The following IMMP2L variants were observed in gnomAD, a reference collection of about 807,000 sequenced individuals.
IMMP2L encodes mitochondrial inner membrane protease subunit 2.
Under a neutral mutation model 19.3 loss-of-function variants are expected in IMMP2L, and 18 were observed. The ratio of observed to expected loss-of-function variants is 0.93; its 90% confidence interval spans 0.64 to 1.38. The LOEUF is 1.38. Ranked by LOEUF, IMMP2L falls within the 40% of genes most tolerant of loss-of-function variation. The pLI is 0.00. For synonymous variants in IMMP2L, 76 were observed against 73.0 expected (o/e 1.04, Z -0.21); for missense variants, 233 against 218.2 (o/e 1.07, Z -0.43).
At chr7:110,843,181 G>A (rs544800271) in intron 5 of IMMP2L, among the ~76,000 whole-genome samples, 1 of 152,232 alleles carries the variant, frequency 6.6e-6, no homozygotes, top group East Asian at 1.9e-4. Flanking sequence ...TTTATTCCAA[G>A]CCTTATAGTA....
chr7:111,444,767 A>G (rs2131828427), intron 3 of IMMP2L, among the ~76,000 whole-genome samples: 1 of 152,248 alleles, frequency 6.6e-6, no homozygotes, highest in South Asian at 2.1e-4. Flanking sequence ...GAAGTAAGAG[A>G]GCAAAAATGA....
chr7:111,179,785 C>T (rs961900253), intron 3 of IMMP2L, among the ~76,000 whole-genome samples: 13 of 152,064 alleles, frequency 8.5e-5, no homozygotes, highest in African/African-American at 3.1e-4. Flanking sequence ...GTGAAGCCAC[C>T]TTCATCAATT....
chr7:111,171,385 A>G (rs1806434115), intron 3 of IMMP2L, among the ~76,000 whole-genome samples: 1 of 151,722 alleles, frequency 6.6e-6, no homozygotes, highest in Non-Finnish European at 1.5e-5. Context: ...CACAAGGGAA[A>G]TAATATTTGA....
chr7:111,178,158 A>G (rs1046746183), intron 3 of IMMP2L, among the ~76,000 whole-genome samples: 1 of 152,054 alleles, frequency 6.6e-6, no homozygotes, highest in African/African-American at 2.4e-5. Context: ...CCACAATAAA[A>G]TTAATACAGC....
intron 2 of IMMP2L, among the ~76,000 whole-genome samples, chr7:111,500,090 C>T (rs541686965): frequency 6.6e-5 from 10 of 152,058 alleles, no homozygotes; most frequent in African/African-American, 1.4e-4. Context: ...CCTGGAAAAT[C>T]GGGTCACTCC....
At chr7:110,779,440 A>T (rs985762758) in intron 5 of IMMP2L, among the ~76,000 whole-genome samples, 2 of 151,944 alleles carry the variant, frequency 1.3e-5, no homozygotes, top group African/African-American at 4.8e-5. Context: ...AATTTGAACA[A>T]TGGAGGTTTA....
chr7:110,768,773 G>T (rs1359868397), intron 5 of IMMP2L, among the ~76,000 whole-genome samples: 1 of 152,012 alleles, frequency 6.6e-6, no homozygotes, highest in Non-Finnish European at 1.5e-5. Context: ...CCCTTATAGC[G>T]ACATGTTGTG....
intron 5 of IMMP2L, among the ~76,000 whole-genome samples, chr7:110,754,180 T>C (rs1208022753): frequency 2.0e-5 from 3 of 152,052 alleles, no homozygotes; most frequent in Non-Finnish European, 4.4e-5. Context: ...ATTCAAGTCA[T>C]AGTGCCACAG....
intron 4 of IMMP2L, among the ~76,000 whole-genome samples, chr7:110,946,269 C>A (rs1383464493): frequency 6.6e-6 from 1 of 152,162 alleles, no homozygotes; most frequent in Non-Finnish European, 1.5e-5. Context: ...CTTAGAGAAA[C>A]AATCTACTAC....
At chr7:110,997,473 T>A (rs1214697979) in intron 3 of IMMP2L, among the ~76,000 whole-genome samples, 1 of 152,118 alleles carries the variant, frequency 6.6e-6, no homozygotes, top group Non-Finnish European at 1.5e-5. Flanking sequence ...ACCATTTACA[T>A]CCCCACAAGC....
intron 5 of IMMP2L, among the ~76,000 whole-genome samples, chr7:110,790,010 T>A (rs1034546826): frequency 6.6e-6 from 1 of 151,758 alleles, no homozygotes; most frequent in Non-Finnish European, 1.5e-5. Context: ...TGAGTCCTTA[T>A]ACATTTGTTA....
chr7:110,956,726 G>A (rs542840734), intron 4 of IMMP2L, among the ~76,000 whole-genome samples: 2 of 151,840 alleles, frequency 1.3e-5, no homozygotes, highest in South Asian at 2.1e-4. Context: ...CATGGAGCCC[G>A]AGATTCCAAA....
chr7:111,179,142 C>T (rs1807416042), intron 3 of IMMP2L, among the ~76,000 whole-genome samples: 2 of 151,970 alleles, frequency 1.3e-5, no homozygotes, highest in Non-Finnish European at 2.9e-5. Flanking sequence ...TCTCTTTATA[C>T]ATCTCCTTCA....
intron 3 of IMMP2L, among the ~76,000 whole-genome samples, chr7:111,169,876 C>T (rs1456541230): frequency 2.0e-5 from 3 of 151,794 alleles, no homozygotes; most frequent in East Asian, 1.9e-4. Context: ...TCTATCAGAT[C>T]CAGTGGTTCT....
At chr7:110,909,603 G>C (rs924413226) in intron 4 of IMMP2L, among the ~76,000 whole-genome samples, 3 of 152,122 alleles carry the variant, frequency 2.0e-5, no homozygotes, top group African/African-American at 7.2e-5. Flanking sequence ...ATTCATGTCT[G>C]CAGTCTTTTT....
rs577674125 is a variant in IMMP2L, at chr7:111,199,717, C to T, written c.240-236152G>A. 2.6e-5 allele frequency among the ~76,000 whole-genome samples: 4 copies of T among 152,218 alleles called. No individual in the cohort carries two copies. The South Asian group carries it at 8.3e-4, about 32-fold the overall frequency. On this transcript the variant is annotated intron_variant, in intron 3 of 5. Transcript: ENST00000405709. Reference sequence around the variant, plus strand: ...GTAAATAATTTACTATCAAAAGCAGCAAACTCTGCTAAAGTTAAAATTACA... The same window carrying T: ...GTAAATAATTTACTATCAAAAGCAGTAAACTCTGCTAAAGTTAAAATTACA...
intron 5 of IMMP2L, among the ~76,000 whole-genome samples, chr7:110,867,730 C>T (rs1429569620): frequency 6.6e-6 from 1 of 151,950 alleles, no homozygotes; most frequent in Admixed American, 6.6e-5. Flanking sequence ...AAGCAGCTGC[C>T]AATCCAGCTC....
chr7:110,715,983 T>C (rs896371804), intron 5 of IMMP2L, among the ~76,000 whole-genome samples: 4 of 152,176 alleles, frequency 2.6e-5, no homozygotes, highest in African/African-American at 9.6e-5. Flanking sequence ...GAAGTCTTCT[T>C]GCTGAATTGA....
At chr7:110,851,579 C>T (rs902979567) in intron 5 of IMMP2L, among the ~76,000 whole-genome samples, 1 of 152,084 alleles carries the variant, frequency 6.6e-6, no homozygotes, top group African/African-American at 2.4e-5. Flanking sequence ...TTTTTGCTTT[C>T]CTGACATCCT....
Sources: gnomAD v4.1 joint callset for allele counts (sites outside exome capture counted in the v4.1 genomes callset) on GRCh38, gnomAD v4.1.1 for gene constraint, MANE v1.5 for transcripts, NCBI Gene and HGNC (gene_info 2026-07-23, HGNC 2026-07-21) for gene names.